Variants in TXNDC9 observed in about 807,000 individuals in gnomAD.
TXNDC9 encodes thioredoxin domain containing 9.
In TXNDC9, 7 loss-of-function variants were observed where a neutral mutation model predicts 23.0. The ratio of observed to expected loss-of-function variants is 0.30; its 90% confidence interval spans 0.17 to 0.57. The LOEUF is 0.57. TXNDC9 is among the 20% of genes least tolerant of loss of function. TXNDC9 has a pLI of 0.90. For missense variants in TXNDC9, 198 were observed against 252.6 expected (o/e 0.78, Z 1.47); for synonymous variants, 72 against 90.6 (o/e 0.79, Z 1.17).
At chr2:99,330,163 G>A (rs1297402631) in intron 2 of TXNDC9, among the ~76,000 whole-genome samples, 17 of 150,688 alleles carry the variant, frequency 1.1e-4, no homozygotes, top group South Asian at 4.2e-4. Context: ...GGTGGCAGGC[G>A]TCTGTAATCC....
chr2:99,320,982 T>G (rs1274809406), intron 4 of TXNDC9: 1 of 152,142 alleles, frequency 6.6e-6, no homozygotes, highest in Non-Finnish European at 1.5e-5. Flanking sequence ...CCTCAACTGA[T>G]TCTCCCACCT....
chr2:99,316,843 G>A (rs1253125158), downstream of TXNDC9, among the ~76,000 whole-genome samples: 2 of 152,054 alleles, frequency 1.3e-5, no homozygotes, highest in Admixed American at 1.3e-4. Flanking sequence ...TGCAAGCTCC[G>A]CCTCCCGGGT....
chr2:99,323,601 T>C lies in TXNDC9; in HGVS notation c.309-1392A>G, dbSNP rs146537791. On this transcript the variant is annotated intron_variant, in intron 3 of 4. Coordinates refer to ENST00000264255, the MANE Select transcript of TXNDC9 (RefSeq NM_005783.4). ...AAATACAAAAATTAGCTGGGCGTCA[T>C]GATGGGCACCTGAAATCCCAGCTAC... 8.9e-3 allele frequency among the ~76,000 whole-genome samples: 1,345 copies of C among 151,726 alleles called. 9 individuals are homozygous for C. The highest frequency in any genetic ancestry group is 0.014 in the Non-Finnish European group (947 of 67,930).
chr2:99,334,210 G>A (rs2094233076), intron 1 of TXNDC9, among the ~76,000 whole-genome samples: 1 of 152,114 alleles, frequency 6.6e-6, no homozygotes, highest in Non-Finnish European at 1.5e-5. Context: ...AATTGGCCAG[G>A]CCCGGTGGTG....
chr2:99,320,815 G>A (rs2094200032), intron 4 of TXNDC9, among the ~76,000 whole-genome samples: 1 of 152,124 alleles, frequency 6.6e-6, no homozygotes, highest in Admixed American at 6.6e-5. Context: ...TAAAGACAAT[G>A]ATAAAACAAA....
chr2:99,335,718 G>A (rs1574911807), intron 1 of TXNDC9, among the ~76,000 whole-genome samples: 1 of 152,164 alleles, frequency 6.6e-6, no homozygotes, highest in Non-Finnish European at 1.5e-5. Context: ...TTTATAGAAT[G>A]AGCCCAGAAT....
intron 1 of TXNDC9, among the ~76,000 whole-genome samples, 175 bp from the exon 2 acceptor site, chr2:99,333,417 C>T (rs1348555585): frequency 1.3e-5 from 2 of 152,142 alleles, no homozygotes; most frequent in African/African-American, 4.8e-5. Flanking sequence ...AAATTTAATT[C>T]TCAGTAGGTT....
At chr2:99,323,630 G>A (rs1000512719) in intron 3 of TXNDC9, among the ~76,000 whole-genome samples, 3 of 151,974 alleles carry the variant, frequency 2.0e-5, no homozygotes, top group Non-Finnish European at 4.4e-5. Context: ...CAGCTACACA[G>A]GAGGCTGAGG....
downstream of TXNDC9, among the ~76,000 whole-genome samples, chr2:99,318,092 T>C (rs1209764234): frequency 6.6e-6 from 1 of 152,208 alleles, no homozygotes; most frequent in Non-Finnish European, 1.5e-5. Context: ...GGTTTCAGCA[T>C]GTTGGCCAGG....
At chr2:99,313,718 G>A in the TXNDC9 span, among the ~76,000 whole-genome samples, 1 of 152,150 alleles carries the variant, frequency 6.6e-6, no homozygotes, top group Admixed American at 6.5e-5. Context: ...AATGTTAGAA[G>A]CCACCCTGAC....
the TXNDC9 span, among the ~76,000 whole-genome samples, chr2:99,311,701 A>T: frequency 6.6e-6 from 1 of 152,322 alleles, no homozygotes; most frequent in East Asian, 1.9e-4. Flanking sequence ...TCCTGGCCTC[A>T]AGCCATCCTC....
At chr2:99,324,933 A>G (rs1372142475) in intron 3 of TXNDC9, among the ~76,000 whole-genome samples, 2 of 152,180 alleles carry the variant, frequency 1.3e-5, no homozygotes, top group Non-Finnish European at 2.9e-5. Flanking sequence ...TTTAGTAGAG[A>G]TGGGTTTTCA....
At chr2:99,330,153 G>A (rs1037895370) in intron 2 of TXNDC9, among the ~76,000 whole-genome samples, 20 of 151,164 alleles carry the variant, frequency 1.3e-4, no homozygotes, top group African/African-American at 4.9e-4. Flanking sequence ...AGCCGGGCAT[G>A]GTGGCAGGCG....
the TXNDC9 span, among the ~76,000 whole-genome samples, chr2:99,309,645 C>T: frequency 6.6e-6 from 1 of 152,078 alleles, no homozygotes; most frequent in African/African-American, 2.4e-5. Context: ...ACCAGCCTGG[C>T]CGACATGGTT....
the TXNDC9 span, among the ~76,000 whole-genome samples, chr2:99,312,325 G>A: frequency 3.9e-5 from 6 of 151,970 alleles, no homozygotes; most frequent in South Asian, 2.1e-4. Context: ...GTGAAACCCC[G>A]TCCCTACTAA....
At chr2:99,326,049 A>C (rs1375190482) in intron 3 of TXNDC9, among the ~76,000 whole-genome samples, 1 of 151,904 alleles carries the variant, frequency 6.6e-6, no homozygotes, top group Admixed American at 6.6e-5. Context: ...ACAAGTGGAC[A>C]AATAATATTT....
At position 99,319,654 on chromosome 2, in the gene TXNDC9, A is replaced by G. The variant is rs772399145; in HGVS notation, c.*28T>C. The G allele has an allele frequency of 6.0e-6, 9 of 1,502,818 alleles. No homozygotes were observed. Among genetic ancestry groups the G allele is most frequent in the Non-Finnish European group, 8.2e-6 (9 of 1,101,982 alleles). The allele number at this position is 1,502,818 out of a possible 1,614,324, so 93.1% of individuals were successfully genotyped here. A position where few individuals can be genotyped will look rare whatever the true frequency, so the allele number is the denominator to read the frequency against. On this transcript the variant is annotated 3_prime_UTR_variant, in exon 5 of 5. Transcript: ENST00000264255. ...CATTTAAATCTGAAGCAGAAAAAAA[A>G]AGACAATTTACAAAGAATTATTGAG... is the stretch of plus-strand genomic sequence containing the variant.
chr2:99,318,120 ACCTCAAGTGAT>A (rs201840247), downstream of TXNDC9, among the ~76,000 whole-genome samples: 1,681 of 152,138 alleles, frequency 0.011, 9 homozygotes, highest in Middle Eastern at 0.024. Context: ...TGAACTCCTA[ACCTCAAGTGAT>A]CTGCCCGCCT....
At chr2:99,324,103 C>T (rs1251765909) in intron 3 of TXNDC9, among the ~76,000 whole-genome samples, 2 of 152,180 alleles carry the variant, frequency 1.3e-5, no homozygotes, top group Admixed American at 6.5e-5. Context: ...GCCTCAGCCT[C>T]CCAAAGTGCT....
Sources: gnomAD v4.1 joint callset for allele counts (sites outside exome capture counted in the v4.1 genomes callset) on GRCh38, gnomAD v4.1.1 for gene constraint, MANE v1.5 for transcripts, NCBI Gene and HGNC (gene_info 2026-07-23, HGNC 2026-07-21) for gene names.